PACRG: variants seen among roughly 807,000 people sequenced by gnomAD.
PACRG encodes parkin coregulated gene protein.
In PACRG, 29 loss-of-function variants were observed where a neutral mutation model predicts 29.7. The observed-to-expected ratio is 0.98, with a 90% CI of 0.73 to 1.33. PACRG has a LOEUF of 1.33. Ranked by LOEUF, PACRG falls within the 40% of genes most tolerant of loss-of-function variation. PACRG has a pLI of 0.00. For missense variants in PACRG, 279 were observed against 316.2 expected, an observed-to-expected ratio of 0.88 and a Z score of 0.89; for synonymous variants, 116 against 118.7, an observed-to-expected ratio of 0.98 and a Z score of 0.15.
intron 1 of PACRG, among the ~76,000 whole-genome samples, chr6:162,759,686 C>T (rs753363089): frequency 6.6e-6 from 1 of 151,964 alleles, no homozygotes; most frequent in Non-Finnish European, 1.5e-5. Flanking sequence ...TAAAGGTGGT[C>T]GATCTGCTAA....
At chr6:163,004,770 A>G (rs903872841) in intron 2 of PACRG, among the ~76,000 whole-genome samples, 1 of 142,950 alleles carries the variant, frequency 7.0e-6, no homozygotes, top group African/African-American at 2.9e-5. Context: ...CTGCAAATTT[A>G]ATCTATGTAT....
At chr6:163,166,227 C>T in intron 4 of PACRG, 1 of 456,260 alleles carries the variant, frequency 2.2e-6, no homozygotes, top group Non-Finnish European at 4.4e-6. Flanking sequence ...TCTCTCCCTG[C>T]TCTCCTCTTT....
intron 2 of PACRG, among the ~76,000 whole-genome samples, chr6:162,825,704 T>C (rs1355155451): frequency 6.6e-6 from 1 of 152,202 alleles, no homozygotes; most frequent in East Asian, 1.9e-4. Flanking sequence ...GGGTGTGACT[T>C]GGAATCTGCC....
At chr6:162,941,133 C>A (rs767587210) in intron 2 of PACRG, among the ~76,000 whole-genome samples, 2 of 152,026 alleles carry the variant, frequency 1.3e-5, no homozygotes, top group Non-Finnish European at 2.9e-5. Flanking sequence ...CGGCTTCTAG[C>A]CTTTGGGGTT....
At chr6:163,223,167 G>T (rs1277339293) in intron 4 of PACRG, among the ~76,000 whole-genome samples, 1 of 152,190 alleles carries the variant, frequency 6.6e-6, no homozygotes, top group Admixed American at 6.5e-5. Flanking sequence ...GCCGAGGCGG[G>T]TGAATCACCT....
At chr6:162,727,554 G>T, upstream of PACRG, 1 of 1,242,084 alleles carries the variant, frequency 8.1e-7, no homozygotes, top group Non-Finnish European at 1.1e-6. Context: ...CTTTGGCCCC[G>T]TCATTGACAG....
At chr6:162,745,571 T>C (rs1780928122) in intron 1 of PACRG, among the ~76,000 whole-genome samples, 1 of 152,148 alleles carries the variant, frequency 6.6e-6, no homozygotes, top group African/African-American at 2.4e-5. Context: ...AATAAAAATC[T>C]CTATGCGACA....
intron 1 of PACRG, among the ~76,000 whole-genome samples, chr6:162,754,171 A>G (rs1413977912): frequency 6.6e-6 from 1 of 152,196 alleles, no homozygotes; most frequent in African/African-American, 2.4e-5. Flanking sequence ...TTTTGATACA[A>G]GCCATTCTAA....
chr6:163,131,074 G>A (rs948976634), intron 4 of PACRG, among the ~76,000 whole-genome samples: 1 of 152,154 alleles, frequency 6.6e-6, no homozygotes, highest in Non-Finnish European at 1.5e-5. Context: ...TTGGGAGGCC[G>A]AGGCGGGTGG....
At chr6:163,203,407 G>A (rs542909301) in intron 4 of PACRG, among the ~76,000 whole-genome samples, 18 of 151,966 alleles carry the variant, frequency 1.2e-4, no homozygotes, top group Non-Finnish European at 1.2e-4. Flanking sequence ...GCGAGATTCC[G>A]TCTCAAAAAC....
intron 4 of PACRG, among the ~76,000 whole-genome samples, chr6:163,204,997 G>A (rs554387988): frequency 6.6e-6 from 1 of 152,200 alleles, no homozygotes; most frequent in East Asian, 1.9e-4. Context: ...AATACCTAGG[G>A]TATAGCTAAC....
In PACRG at chr6:162,853,782, A is replaced by T. The variant is rs1791128033; in HGVS notation, c.291+39501A>T. ...TAAACATTTTTTAAAAAGCTATACTACCAGATATGAAACCTTGGGCAAAGT... is the reference window on the plus strand; with the variant it reads ...TAAACATTTTTTAAAAAGCTATACTTCCAGATATGAAACCTTGGGCAAAGT... On this transcript the variant is annotated intron_variant, in intron 2 of 4. Coordinates refer to ENST00000366888, the MANE Select transcript of PACRG (RefSeq NM_001080379.2). The surrounding 1 kb of genome is among the most constrained non-coding windows in gnomAD (Gnocchi z 4.7). Among the ~76,000 whole-genome samples, 1 of 152,168 alleles carries T rather than the reference A, an allele frequency of 6.6e-6. No homozygotes were observed. Among genetic ancestry groups the T allele is most frequent in the African/African-American group, 2.4e-5 (1 of 41,440 alleles).
intron 4 of PACRG, among the ~76,000 whole-genome samples, chr6:163,108,392 C>CTTTTTTTTTTTTTTTTTTTT (rs528887997): frequency 1.1e-5 from 1 of 90,510 alleles, no homozygotes; most frequent in Non-Finnish European, 2.0e-5. Context: ...TTCTCTTTCC[C>CTTTTTTTTTTTTTTTTTTTT]TTTTTTTTTT....
intron 4 of PACRG, among the ~76,000 whole-genome samples, chr6:163,160,584 A>G (rs987703905): frequency 1.3e-5 from 2 of 152,178 alleles, no homozygotes; most frequent in Admixed American, 1.3e-4. Context: ...TTTTATACCA[A>G]ATTTTAACAA....
At chr6:162,745,541 TAAAATA>T (rs1311547061) in intron 1 of PACRG, among the ~76,000 whole-genome samples, 3 of 152,102 alleles carry the variant, frequency 2.0e-5, no homozygotes, top group East Asian at 1.9e-4. Flanking sequence ...CCTGGAACTT[TAAAATA>T]AAAATAAAAA....
chr6:162,793,178 T>C (rs902016181), intron 1 of PACRG, among the ~76,000 whole-genome samples: 14 of 152,240 alleles, frequency 9.2e-5, no homozygotes, highest in African/African-American at 3.1e-4. Context: ...TCACTCATTC[T>C]ACTTATTCAG....
chr6:162,871,810 C>T (rs909052840), intron 2 of PACRG, among the ~76,000 whole-genome samples: 36 of 151,876 alleles, frequency 2.4e-4, no homozygotes, highest in Admixed American at 1.6e-3. Context: ...CCCAGCTACT[C>T]GGGAGGCTGA....
intron 4 of PACRG, among the ~76,000 whole-genome samples, chr6:163,274,244 T>C (rs1201646799): frequency 1.3e-5 from 2 of 152,208 alleles, no homozygotes; most frequent in Non-Finnish European, 2.9e-5. Flanking sequence ...AATGTTCTCA[T>C]TGTTCAGTTC....
Position 163,155,502 on chromosome 6 carries a change from T to G in PACRG, c.613+66094T>G, listed in dbSNP as rs559735503. The stretch of plus-strand genomic sequence containing the variant: ...GTGTTCTGAGAGCGAGAGGCCCTAT[T>G]GGCTAATGGTTAGAGGATGCCCAGA... On this transcript the variant is annotated intron_variant, in intron 4 of 4. Coordinates refer to ENST00000366888, the MANE Select transcript of PACRG (RefSeq NM_001080379.2). Among the ~76,000 whole-genome samples the G allele has an allele frequency of 3.9e-5, 6 of 152,364 alleles. No homozygotes were observed. The South Asian group carries it at 1.2e-3, about 32-fold the overall frequency.
Sources: allele counts gnomAD v4.1 joint callset (sites outside exome capture counted in the v4.1 genomes callset), GRCh38; gene constraint gnomAD v4.1.1; non-coding constraint Gnocchi (gnomAD v3.1); transcripts MANE v1.5; gene names NCBI Gene and HGNC (gene_info 2026-07-23, HGNC 2026-07-21).